KATNAL2: variants seen among roughly 807,000 people sequenced by gnomAD.
KATNAL2 encodes the protein katanin catalytic subunit A1 like 2.
Under a neutral mutation model 76.3 loss-of-function variants are expected in KATNAL2, and 52 were observed. The ratio of observed to expected loss-of-function variants is 0.68; its 90% confidence interval spans 0.55 to 0.86. The LOEUF (loss-of-function observed/expected upper bound fraction) is 0.86, where lower values mean the gene tolerates loss of function less well. KATNAL2 is among the 40% of genes least tolerant of loss of function. KATNAL2 has a pLI of 0.00. For missense variants in KATNAL2, 660 were observed against 668.9 expected, an observed-to-expected ratio of 0.99 and a Z score of 0.15; for synonymous variants, 243 against 244.2, an observed-to-expected ratio of 1.00 and a Z score of 0.05.
chr18:47,069,373 C>T, intron 12 of KATNAL2, 90 bp downstream of exon 12: 1 of 1,356,036 alleles, frequency 7.4e-7, no homozygotes, highest in East Asian at 2.3e-5. Context: ...GACTGGGGCA[C>T]ACGAGAGCTG....
rs2061375272 is a variant in KATNAL2, at chr18:47,052,879, G to T, written c.123-1G>T. ...TTCTTTTTATTCTGTGAAACTGCCA[G>T]GTATATCGATACAGCAAATGCTTTG... is the stretch of plus-strand genomic sequence containing the variant. On this transcript the variant is annotated splice_acceptor_variant, in intron 4 of 17. Transcript: ENST00000683218. LOFTEE classifies it high-confidence loss of function. 1 of 1,594,790 alleles carries T rather than the reference G, an allele frequency of 6.3e-7. No homozygotes were observed. Among genetic ancestry groups the T allele is most frequent in the African/African-American group, 1.4e-5 (1 of 74,022 alleles).
chr18:47,044,768 AAAACAAAAACAAAAAC>A (rs2061095361), intron 3 of KATNAL2, among the ~76,000 whole-genome samples: 1 of 124,522 alleles, frequency 8.0e-6, no homozygotes, highest in Admixed American at 8.8e-5. Context: ...TCTCAAAAAA[AAAACAAAAACAAAAAC>A]AAAAACAGTT....
At chr18:46,960,896 C>A (rs1370816653) in intron 3 of KATNAL2, among the ~76,000 whole-genome samples, 1 of 152,230 alleles carries the variant, frequency 6.6e-6, no homozygotes, top group Non-Finnish European at 1.5e-5. Context: ...AAGGAAGTGG[C>A]TTTATTTGGC....
intron 3 of KATNAL2, among the ~76,000 whole-genome samples, chr18:47,031,479 A>G (rs73954213): frequency 1.3e-4 from 20 of 152,012 alleles, no homozygotes; most frequent in Non-Finnish European, 2.8e-4. Context: ...AAAGAAAATC[A>G]TTATGCCCTG....
intron 1 of KATNAL2, among the ~76,000 whole-genome samples, chr18:46,927,553 A>G (rs2058767392): frequency 1.3e-5 from 2 of 151,950 alleles, no homozygotes; most frequent in South Asian, 4.1e-4. Flanking sequence ...GAATCTGACA[A>G]TTATGTGTCT....
intron 3 of KATNAL2, chr18:47,034,589 C>G: frequency 6.2e-7 from 1 of 1,614,170 alleles, no homozygotes; most frequent in Non-Finnish European, 8.5e-7. Context: ...GATTTGTGCC[C>G]CTTGCTGTGG....
chr18:47,068,016 G>A (rs1042906623), intron 11 of KATNAL2, among the ~76,000 whole-genome samples: 3 of 152,162 alleles, frequency 2.0e-5, no homozygotes, highest in African/African-American at 7.2e-5. Context: ...TGGTGGCAGT[G>A]GGTTCCCAGA....
At chr18:47,035,488 T>G in intron 3 of KATNAL2, 1 of 930,598 alleles carries the variant, frequency 1.1e-6, no homozygotes, top group Admixed American at 2.9e-5. Flanking sequence ...CTTTTGTTCC[T>G]CGGGATGTGG....
chr18:47,031,290 T>C (rs72919280), intron 3 of KATNAL2, among the ~76,000 whole-genome samples: 10,155 of 151,610 alleles, frequency 0.067, 384 homozygotes, highest in Non-Finnish European at 0.082. Context: ...GTTCCACTCT[T>C]ACCTTTCAGT....
At chr18:46,951,864 G>A (rs1176490078) in intron 3 of KATNAL2, among the ~76,000 whole-genome samples, 3 of 151,976 alleles carry the variant, frequency 2.0e-5, no homozygotes, top group Admixed American at 6.6e-5. Context: ...TCCACCTCCC[G>A]GGTTCAAGCT....
intron 15 of KATNAL2, among the ~76,000 whole-genome samples, chr18:47,095,179 ACT>A (rs1194749884): frequency 6.6e-6 from 1 of 151,988 alleles, no homozygotes; most frequent in East Asian, 1.9e-4. Flanking sequence ...CCATTCAAAA[ACT>A]CTTTCAGTGG....
intron 3 of KATNAL2, among the ~76,000 whole-genome samples, chr18:47,041,219 G>C (rs1466966339): frequency 6.6e-6 from 1 of 152,084 alleles, no homozygotes; most frequent in East Asian, 1.9e-4. Flanking sequence ...ATCAACCAAA[G>C]TCCATTTTAC....
chr18:46,922,670 G>GTGTAAT (rs2058604412), intron 1 of KATNAL2, among the ~76,000 whole-genome samples: 1 of 151,672 alleles, frequency 6.6e-6, no homozygotes, highest in Admixed American at 6.6e-5. Context: ...GGTGGTGCAT[G>GTGTAAT]CCTGTAATCC....
At position 46,935,068 on chromosome 18, in the gene KATNAL2, A is replaced by G. The variant is rs192489402; in HGVS notation, c.-509-10989A>G. Among the ~76,000 whole-genome samples, 113 of 152,332 alleles carry G rather than the reference A, an allele frequency of 7.4e-4. 1 individual carries two copies. Among genetic ancestry groups the G allele is most frequent in the African/African-American group, 2.3e-3 (94 of 41,586 alleles). ...ATGGAAACAAACATTTTGAGTCAGA[A>G]CTAACAGAAATGTCAAACAAAAGGA... is the stretch of plus-strand genomic sequence containing the variant. On this transcript the variant is annotated intron_variant, in intron 1 of 17. Transcript: ENST00000683218.
intron 1 of KATNAL2, among the ~76,000 whole-genome samples, chr18:46,935,151 G>A (rs1238459169): frequency 6.6e-6 from 1 of 151,894 alleles, no homozygotes; most frequent in East Asian, 1.9e-4. Context: ...ACATGTGCAT[G>A]CTTGAAAAAA....
In KATNAL2 at chr18:47,101,139, T is replaced by A; in HGVS notation, c.*134T>A. On this transcript the variant is annotated 3_prime_UTR_variant, in exon 18 of 18. Transcript: ENST00000683218. Reference sequence around the variant, plus strand: ...TGAAGACTGGATTAACTTGAGCCACTGTATTGTTTTGGATAGCTGAGATAT... The same window carrying A: ...TGAAGACTGGATTAACTTGAGCCACAGTATTGTTTTGGATAGCTGAGATAT... The A allele has an allele frequency of 1.0e-6, 1 of 974,148 alleles. No individual in the cohort carries two copies. The highest frequency in any genetic ancestry group is 1.5e-6 in the Non-Finnish European group (1 of 664,316). 60.3% of individuals were successfully genotyped at this position (974,148 alleles called of 1,614,324 possible). A position where few individuals can be genotyped will look rare whatever the true frequency, so the allele number is the denominator to read the frequency against.
rs139560400 is a variant in KATNAL2, at chr18:47,067,087, T to C, written c.793T>C (p.Leu265=). ...TATTGGACTTGATGCAGCCAAGCAG[T>C]TAGTCAAAGAAGCTGTTGTGTATCC... ...DIIGLDAAKQ[L]VKEAVVYPIR... Residue 265 remains leucine, a synonymous_variant, in exon 11 of 18, where the codon TTA becomes CTA. Transcript: ENST00000683218. The C allele has an allele frequency of 1.3e-6, 2 of 1,583,132 alleles. No homozygotes were observed. The highest frequency in any genetic ancestry group is 1.3e-5 in the African/African-American group (1 of 74,452).
chr18:46,946,765 C>T, intron 2 of KATNAL2, 89 bp from the exon 3 acceptor site: 1 of 1,279,400 alleles, frequency 7.8e-7, no homozygotes, highest in East Asian at 2.5e-5. Context: ...GGGCTCTAGC[C>T]AATCCGGAAA....
At chr18:46,921,329 T>C (rs2058531903) in intron 1 of KATNAL2, among the ~76,000 whole-genome samples, 1 of 152,172 alleles carries the variant, frequency 6.6e-6, no homozygotes, top group Admixed American at 6.5e-5. Flanking sequence ...GGTTTCACCG[T>C]CTTGGTCAGG....
Sources: gnomAD v4.1 joint callset for allele counts (sites outside exome capture counted in the v4.1 genomes callset) on GRCh38, gnomAD v4.1.1 for gene constraint, MANE v1.5 for transcripts, NCBI Gene and HGNC (gene_info 2026-07-23, HGNC 2026-07-21) for gene names.